The following CFAP45 variants were observed in gnomAD, a reference collection of about 807,000 sequenced individuals.
The protein encoded by CFAP45 is cilia- and flagella-associated protein 45.
CFAP45 carries 43 observed loss-of-function variants against 75.6 expected under a neutral mutation model. The observed-to-expected ratio is 0.57, with a 90% CI of 0.45 to 0.73. The LOEUF (loss-of-function observed/expected upper bound fraction) is 0.73, where lower values mean the gene tolerates loss of function less well. Among genes scored for constraint, CFAP45 ranks in the 30% least tolerant of loss-of-function variants. The probability of loss-of-function intolerance (pLI) is 0.00; values close to 1 mark genes in which losing one functional copy is unlikely to be tolerated. For synonymous variants in CFAP45, 223 were observed against 244.6 expected (o/e 0.91, Z 0.82); for missense variants, 689 against 701.5 (o/e 0.98, Z 0.20).
At chr1:159,883,665 TAGAA>T (rs1015831588) in intron 7 of CFAP45, among the ~76,000 whole-genome samples, 1 of 147,928 alleles carries the variant, frequency 6.8e-6, no homozygotes, top group Non-Finnish European at 1.5e-5. Flanking sequence ...CACACACACC[TAGAA>T]AGAAACAAGC....
chr1:159,886,214 C>G (rs1346619387), intron 6 of CFAP45, among the ~76,000 whole-genome samples: 2 of 152,038 alleles, frequency 1.3e-5, no homozygotes, highest in Non-Finnish European at 2.9e-5. Flanking sequence ...GATGTGCATG[C>G]CTGTAATCCC....
At chr1:159,892,554 C>A (rs1257756204) in intron 2 of CFAP45, among the ~76,000 whole-genome samples, 1 of 152,120 alleles carries the variant, frequency 6.6e-6, no homozygotes, top group Non-Finnish European at 1.5e-5. Context: ...TCTCTCACTG[C>A]CCTTCTCTCC....
chr1:159,891,017 C>T (rs1338698464), intron 2 of CFAP45, among the ~76,000 whole-genome samples: 1 of 152,158 alleles, frequency 6.6e-6, no homozygotes, highest in African/African-American at 2.4e-5. Context: ...CCTGGGCCTC[C>T]CAAAGTGCTG....
intron 1 of CFAP45, chr1:159,898,278 G>A (rs1031386911): frequency 6.5e-5 from 63 of 967,912 alleles, no homozygotes; most frequent in Non-Finnish European, 7.4e-5. Context: ...TCTGTAGGAT[G>A]CCACCAGAAG....
At chr1:159,880,893 C>G (rs16842781) in intron 7 of CFAP45, among the ~76,000 whole-genome samples, 193 bp from the exon 8 acceptor site, 8 of 152,184 alleles carry the variant, frequency 5.3e-5, no homozygotes, top group Middle Eastern at 3.2e-3. Context: ...GGCCTATTTA[C>G]AGTCTTCATC....
chr1:159,872,613 G>A (rs762762918), intron 11 of CFAP45, 50 bp from the exon 12 acceptor site: 8 of 1,511,002 alleles, frequency 5.3e-6, no homozygotes, highest in Middle Eastern at 3.4e-4. Context: ...GACCAGACAG[G>A]AGGTGGGAGG....
In CFAP45 at chr1:159,887,909, G is replaced by A; in HGVS notation, c.520C>T (p.Gln174Ter). Residue 174 changes from glutamine (Q) to a stop codon, truncating the protein, a stop_gained, in exon 5 of 12, where the codon CAG becomes TAG. Coordinates refer to ENST00000368099, the MANE Select transcript of CFAP45 (RefSeq NM_012337.3). LOFTEE classifies it high-confidence loss of function. ...DLEEVAKERA[Q>*]NLLQRANKLR... ...TTGTTGGCTCTCTGCAGGAGGTTCT[G>A]GGCCCGTTCCTTGGCCACCTCCTCC... 2.5e-6 allele frequency: 4 copies of A among 1,614,238 alleles called. No individual in the cohort carries two copies. The highest frequency in any genetic ancestry group is 2.5e-6 in the Non-Finnish European group (3 of 1,180,040).
chr1:159,880,810 C>T, intron 7 of CFAP45, 110 bp from the exon 8 acceptor site: 1 of 972,876 alleles, frequency 1.0e-6, no homozygotes, highest in Non-Finnish European at 1.5e-6. Flanking sequence ...GCATTGCCTG[C>T]AGTCTAGTGT....
At chr1:159,882,156 C>T (rs560182749) in intron 7 of CFAP45, among the ~76,000 whole-genome samples, 3 of 152,248 alleles carry the variant, frequency 2.0e-5, no homozygotes, top group Admixed American at 1.3e-4. Flanking sequence ...GAGTCACAGA[C>T]ATTCCCTCTC....
intron 10 of CFAP45, among the ~76,000 whole-genome samples, chr1:159,874,163 C>T (rs1373508863): frequency 6.6e-6 from 1 of 152,046 alleles, no homozygotes; most frequent in Admixed American, 6.6e-5. Flanking sequence ...ATTTATAGGC[C>T]TTCTTAAGCT....
intron 5 of CFAP45, among the ~76,000 whole-genome samples, 177 bp downstream of exon 5, chr1:159,887,664 G>A (rs1649720535): frequency 1.3e-5 from 2 of 152,256 alleles, no homozygotes; most frequent in African/African-American, 4.8e-5. Context: ...ACAGCGAACA[G>A]GTGGCAGAGC....
intron 1 of CFAP45, chr1:159,898,266 CA>C: frequency 3.1e-6 from 3 of 982,514 alleles, no homozygotes; most frequent in Non-Finnish European, 3.6e-6. Flanking sequence ...CCAAGTTGGC[CA>C]TCTGTAGGAT....
intron 4 of CFAP45, 116 bp downstream of exon 4, chr1:159,888,236 T>C (rs1649740843): frequency 1.7e-6 from 2 of 1,195,118 alleles, no homozygotes; most frequent in Non-Finnish European, 2.4e-6. Flanking sequence ...TCTGTAATAT[T>C]TCTTCATTAA....
chr1:159,895,101 A>G (rs1649923819), intron 1 of CFAP45, among the ~76,000 whole-genome samples: 1 of 152,224 alleles, frequency 6.6e-6, no homozygotes, highest in African/African-American at 2.4e-5. Flanking sequence ...TGTTGCTTGT[A>G]ACTAAGAATC....
At chr1:159,888,065 T>C (rs1343243362) in intron 4 of CFAP45, 54 bp from the exon 5 acceptor site, 4 of 1,562,956 alleles carry the variant, frequency 2.6e-6, no homozygotes, top group Non-Finnish European at 3.5e-6. Flanking sequence ...CTCTGTGCCC[T>C]GGGCGCTAGC....
intron 1 of CFAP45, among the ~76,000 whole-genome samples, chr1:159,898,458 C>T (rs562194316): frequency 4.6e-5 from 7 of 152,354 alleles, no homozygotes; most frequent in African/African-American, 1.7e-4. Flanking sequence ...TATACGTACA[C>T]GAACACACAC....
In CFAP45 at chr1:159,877,432, C is replaced by T; in HGVS notation, c.1075G>A (p.Glu359Lys). Residue 359 changes from glutamate (E) to lysine (K), a missense_variant, in exon 9 of 12, where the codon GAG becomes AAG. Physicochemically the swap from Glu to Lys is moderately conservative, Grantham distance 56 (BLOSUM62 1). Transcript: ENST00000368099. ...AREAEFEAEQ[E>K]RIRREKEKEI... ...TTCTCTTTCTCCCTCCGGATTCTCT[C>T]CTGCTCAGCCTCAAACTCTGCTTCT... The T allele has an allele frequency of 6.2e-7, 1 of 1,614,116 alleles. No homozygotes were observed. Among genetic ancestry groups the T allele is most frequent in the Non-Finnish European group, 8.5e-7 (1 of 1,179,966 alleles).
intron 10 of CFAP45, among the ~76,000 whole-genome samples, chr1:159,874,105 C>T (rs1026412747): frequency 6.6e-6 from 1 of 152,108 alleles, no homozygotes; most frequent in African/African-American, 2.4e-5. Context: ...ACAGGAAAGG[C>T]TCAGAAAACA....
At chr1:159,873,888 G>GCCTCCCTC (rs1429144612) in intron 10 of CFAP45, among the ~76,000 whole-genome samples, 1 of 54,862 alleles carries the variant, frequency 1.8e-5, no homozygotes, top group African/African-American at 4.3e-5. Context: ...TTCCTTTCCT[G>GCCTCCCTC]CCTCCCTCCC....
Sources: gnomAD v4.1 joint callset for allele counts (sites outside exome capture counted in the v4.1 genomes callset) on GRCh38, gnomAD v4.1.1 for gene constraint, MANE v1.5 for transcripts, NCBI Gene and HGNC (gene_info 2026-07-23, HGNC 2026-07-21) for gene names.